ZSCAN20: variants seen among roughly 807,000 people sequenced by gnomAD.
ZSCAN20 encodes the protein zinc finger and SCAN domain-containing protein 20.
Under a neutral mutation model 97.1 loss-of-function variants are expected in ZSCAN20, and 39 were observed. The observed-to-expected ratio is 0.40, with a 90% CI of 0.31 to 0.52. The LOEUF is 0.52. Ranked by LOEUF, ZSCAN20 falls within the 20% of genes least tolerant of loss-of-function variation. ZSCAN20 has a pLI of 0.49. For missense variants in ZSCAN20, 1,115 were observed against 1,290.4 expected (o/e 0.86, Z 2.08); for synonymous variants, 456 against 467.3 (o/e 0.98, Z 0.31).
chr1:33,473,269 T>C (rs1478970243), intron 1 of ZSCAN20, among the ~76,000 whole-genome samples: 1 of 152,134 alleles, frequency 6.6e-6, no homozygotes, highest in African/African-American at 2.4e-5. Flanking sequence ...TACCCACTGA[T>C]TCCTCTTGCA....
chr1:33,491,536 A>G lies in ZSCAN20; in HGVS notation c.1278A>G (p.Ala426=). Residue 426 remains alanine (A), a synonymous_variant, in exon 6 of 8, where the codon GCA becomes GCG. Transcript: ENST00000684572. This position sits in a 1 kb window ranked among gnomAD's most constrained non-coding sequence, Gnocchi z 4.3. The part of the protein sequence containing the change: ...RATDGPGEAV[A]LPRLGYSDAE... Reference sequence around the variant, plus strand: ...CAGATGGCCCAGGAGAGGCCGTGGCACTTCCCAGGCTCGGGTATAGTGACG... The same window carrying G: ...CAGATGGCCCAGGAGAGGCCGTGGCGCTTCCCAGGCTCGGGTATAGTGACG... 2 of 1,614,094 alleles carry G rather than the reference A, an allele frequency of 1.2e-6. No homozygotes were observed. Among genetic ancestry groups the G allele is most frequent in the Non-Finnish European group, 1.7e-6 (2 of 1,179,950 alleles).
chr1:33,487,417 T>C (rs911092464), intron 2 of ZSCAN20, among the ~76,000 whole-genome samples: 2 of 152,148 alleles, frequency 1.3e-5, no homozygotes, highest in African/African-American at 4.8e-5. Flanking sequence ...GATAAGAAAT[T>C]AGCTGTGTGA....
At chr1:33,473,373 G>A (rs1489567921) in intron 1 of ZSCAN20, among the ~76,000 whole-genome samples, 1 of 152,078 alleles carries the variant, frequency 6.6e-6, no homozygotes, top group Non-Finnish European at 1.5e-5. Context: ...AGCCTTTTCA[G>A]TTTCCCAGCA....
Position 33,499,841 on chromosome 1 carries a change from C to G in ZSCAN20, c.*4365C>G, listed in dbSNP as rs796766432. 3.0e-4 allele frequency among the ~76,000 whole-genome samples: 46 copies of G among 152,236 alleles called. No individual in the cohort carries two copies. The highest frequency in any genetic ancestry group is 1.1e-3 in the African/African-American group (44 of 41,534). On this transcript the variant is annotated 3_prime_UTR_variant, in exon 8 of 8. Coordinates refer to ENST00000684572, the MANE Select transcript of ZSCAN20 (RefSeq NM_001377376.1). ...TGAACTCCTGGCCTCAAGCGATCCT[C>G]CCACCTCAGCCTCCCAAAGCTCCCC...
rs765938373 is a variant in ZSCAN20, at chr1:33,479,705, G to A, written c.417G>A (p.Ser139=). Residue 139 remains serine, a splice_region_variant and synonymous_variant, in exon 2 of 8, where the codon TCG becomes TCA. Coordinates refer to ENST00000684572, the MANE Select transcript of ZSCAN20 (RefSeq NM_001377376.1). ...GAGAGACCAGGACTGCAGGACAGTC[G>A]GTGAGACAAACAGTCTTCTCCTGCA... ...WHRETRTAGQ[S]GLELHTEETR... 6 of 1,523,296 alleles carry A rather than the reference G, an allele frequency of 3.9e-6. No individual in the cohort carries two copies. Among genetic ancestry groups the A allele is most frequent in the South Asian group, 1.3e-5 (1 of 77,524 alleles). The allele number at this position is 1,523,296 out of a possible 1,614,324, so 94.4% of individuals were successfully genotyped here. A position where few individuals can be genotyped will look rare whatever the true frequency, so the allele number is the denominator to read the frequency against.
In ZSCAN20 at chr1:33,495,017, T is replaced by C; in HGVS notation, c.2673T>C (p.Ile891=). 1.2e-6 allele frequency: 2 copies of C among 1,614,038 alleles called. No homozygotes were observed. Among genetic ancestry groups the C allele is most frequent in the Non-Finnish European group, 1.7e-6 (2 of 1,179,946 alleles). Residue 891 remains isoleucine, a synonymous_variant, in exon 8 of 8, where the codon ATT becomes ATC. Transcript: ENST00000684572. ...GCTTCTCTAAGAGCTCTGCCCTCAT[T>C]AGTCACCAAAGAATCCATACGGGAG... ...GRSFSKSSAL[I]SHQRIHTGEK... is the part of the protein sequence containing the mutation.
intron 1 of ZSCAN20, among the ~76,000 whole-genome samples, chr1:33,475,553 C>T (rs1462514982): frequency 6.6e-6 from 1 of 152,232 alleles, no homozygotes; most frequent in Non-Finnish European, 1.5e-5. Context: ...CAAGACCAAC[C>T]TGGTGAATAG....
In ZSCAN20 at chr1:33,498,506, A is replaced by G. The variant is rs1557450957; in HGVS notation, c.*3030A>G. Among the ~76,000 whole-genome samples, 1 of 152,136 alleles carries G rather than the reference A, an allele frequency of 6.6e-6. No homozygotes were observed. Among genetic ancestry groups the G allele is most frequent in the Non-Finnish European group, 1.5e-5 (1 of 68,024 alleles). On this transcript the variant is annotated 3_prime_UTR_variant, in exon 8 of 8. Coordinates refer to ENST00000684572, the MANE Select transcript of ZSCAN20 (RefSeq NM_001377376.1). Reference sequence around the variant, plus strand: ...GTTCCAGGCTTGCTGTCTACCCAAGAGCTTGCTGGGCACCCAGGCGCCCTC... The same window carrying G: ...GTTCCAGGCTTGCTGTCTACCCAAGGGCTTGCTGGGCACCCAGGCGCCCTC...
At chr1:33,480,457 C>T (rs1188532866) in intron 2 of ZSCAN20, among the ~76,000 whole-genome samples, 2 of 152,238 alleles carry the variant, frequency 1.3e-5, no homozygotes, top group East Asian at 3.8e-4. Context: ...GTTCTTTCTA[C>T]TGCATGTCAG....
At chr1:33,472,796 A>G (rs532830784) in intron 1 of ZSCAN20, 105 bp downstream of exon 1, 1 of 148,452 alleles carries the variant, frequency 6.7e-6, no homozygotes, top group East Asian at 2.0e-4. Flanking sequence ...GAGGGGAGAA[A>G]GAAGCTTATA....
intron 1 of ZSCAN20, among the ~76,000 whole-genome samples, chr1:33,478,134 G>A (rs1557434677): frequency 6.6e-6 from 1 of 152,138 alleles, no homozygotes; most frequent in Non-Finnish European, 1.5e-5. Flanking sequence ...GAGGGAAATG[G>A]TAGATCACTG....
rs1652844827 is a variant in ZSCAN20 at position 33,495,870 on chromosome 1, A to G, written c.*394A>G. On this transcript the variant is annotated 3_prime_UTR_variant, in exon 8 of 8. Coordinates refer to ENST00000684572, the MANE Select transcript of ZSCAN20 (RefSeq NM_001377376.1). ...CCACCCCATCAGCAGTGGTTCTCCT[A>G]CTTTCTCAGTGGGGGCATATCCTCA... The G allele has an allele frequency of 6.4e-6, 1 of 157,260 alleles. No individual in the cohort carries two copies. Among genetic ancestry groups the G allele is most frequent in the African/African-American group, 2.4e-5 (1 of 41,490 alleles). 9.7% of individuals were successfully genotyped at this position (157,260 alleles called of 1,614,324 possible). A position where few individuals can be genotyped will look rare whatever the true frequency, so the allele number is the denominator to read the frequency against.
At chr1:33,488,917 T>G (rs1652482455) in intron 3 of ZSCAN20, among the ~76,000 whole-genome samples, 198 bp from the exon 4 acceptor site, 2 of 152,120 alleles carry the variant, frequency 1.3e-5, no homozygotes, top group Admixed American at 1.3e-4. Context: ...AGGTCAGGGC[T>G]GGCATCTCCC....
Position 33,494,934 on chromosome 1 carries a change from G to A in ZSCAN20, c.2590G>A (p.Gly864Arg). The A allele has an allele frequency of 6.2e-7, 1 of 1,614,158 alleles. No individual in the cohort carries two copies. The highest frequency in any genetic ancestry group is 8.5e-7 in the Non-Finnish European group (1 of 1,180,030). The stretch of plus-strand genomic sequence containing the variant: ...TATCAGTAAGGACTTGAATTCTCCT[G>A]GACCACACAGCACAAACTCAGGGGA... ...QSISKDLNSP[G>R]PHSTNSGEKL... The change falls in exon 8 of 8, where the codon GGA (glycine) becomes AGA (arginine). Residue 864 changes from glycine to arginine, a missense_variant. Gly to Arg is a moderately radical substitution (Grantham distance 125). Transcript: ENST00000684572.
At position 33,501,423 on chromosome 1, in the gene ZSCAN20, AG is replaced by A. The variant is rs1022170792; in HGVS notation, c.*5950del. 1.3e-5 allele frequency among the ~76,000 whole-genome samples: 2 copies of A among 152,204 alleles called. No individual in the cohort carries two copies. Among genetic ancestry groups the A allele is most frequent in the Non-Finnish European group, 2.9e-5 (2 of 68,038 alleles). ...TTAAATTTTGTCCATCAGGAGCCTC[AG>A]GGATTTAATGTCCAATTCTAAAACC... On this transcript the variant is annotated 3_prime_UTR_variant, in exon 8 of 8. Coordinates refer to ENST00000684572, the MANE Select transcript of ZSCAN20 (RefSeq NM_001377376.1).
At position 33,493,679 on chromosome 1, in the gene ZSCAN20, G is replaced by T; in HGVS notation, c.1873+64G>T. On this transcript the variant is annotated intron_variant, in intron 7 of 7. Transcript: ENST00000684572. This position sits in a 1 kb window ranked among gnomAD's most constrained non-coding sequence, Gnocchi z 4.3. ...GCATGTGGAGAGAATGAGGAAGCCA[G>T]GCTCATTATCTTTTGTCTCTTAACT... The T allele has an allele frequency of 6.8e-7, 1 of 1,463,532 alleles. No homozygotes were observed. The highest frequency in any genetic ancestry group is 1.4e-5 in the African/African-American group (1 of 71,012). 90.7% of individuals were successfully genotyped at this position (1,463,532 alleles called of 1,614,324 possible). A position where few individuals can be genotyped will look rare whatever the true frequency, so the allele number is the denominator to read the frequency against.
In ZSCAN20 at chr1:33,494,840, C is replaced by T; in HGVS notation, c.2496C>T (p.Ala832=). Residue 832 remains alanine, a synonymous_variant, in exon 8 of 8, where the codon GCC becomes GCT. Transcript: ENST00000684572. ...DQCSEPGGNF[A]QSPSFSAHWR... ...GTAGTGAGCCTGGGGGAAACTTTGC[C>T]CAAAGCCCATCTTTTAGTGCTCACT... 1.2e-6 allele frequency: 2 copies of T among 1,614,124 alleles called. No homozygotes were observed.
At chr1:33,489,736 C>A in intron 5 of ZSCAN20, 134 bp downstream of exon 5, 1 of 801,782 alleles carries the variant, frequency 1.2e-6, no homozygotes, top group Non-Finnish European at 2.0e-6. Flanking sequence ...AGAAGACTTG[C>A]CCTTTGTAGC....
At chr1:33,484,354 G>A (rs973822387) in intron 2 of ZSCAN20, among the ~76,000 whole-genome samples, 1 of 152,110 alleles carries the variant, frequency 6.6e-6, no homozygotes, top group African/African-American at 2.4e-5. Context: ...TCAAGTTGAG[G>A]AAGTTCCCCT....
Sources: allele counts gnomAD v4.1 joint callset (sites outside exome capture counted in the v4.1 genomes callset), GRCh38; gene constraint gnomAD v4.1.1; non-coding constraint Gnocchi (gnomAD v3.1); transcripts MANE v1.5; gene names NCBI Gene and HGNC (gene_info 2026-07-23, HGNC 2026-07-21).